PTPN14: variants seen among roughly 807,000 people sequenced by gnomAD.
PTPN14 encodes protein tyrosine phosphatase non-receptor type 14.
In PTPN14, 53 loss-of-function variants were observed where a neutral mutation model predicts 126.8. That is an observed-to-expected ratio of 0.42 (90% CI 0.34 to 0.53). PTPN14 has a LOEUF of 0.53. Among genes scored for constraint, PTPN14 ranks in the 20% least tolerant of loss-of-function variants. The pLI is 0.08. For missense variants in PTPN14, 1,257 were observed against 1,552.9 expected, an observed-to-expected ratio of 0.81 and a Z score of 3.20; for synonymous variants, 630 against 599.3, an observed-to-expected ratio of 1.05 and a Z score of -0.75.
chr1:214,434,027 G>A (rs1268999283), intron 3 of PTPN14, among the ~76,000 whole-genome samples: 1 of 151,670 alleles, frequency 6.6e-6, no homozygotes, highest in Non-Finnish European at 1.5e-5. Flanking sequence ...AGTTACTTGG[G>A]AGGCTGAGGT....
intron 5 of PTPN14, among the ~76,000 whole-genome samples, chr1:214,407,394 G>T (rs1270718386): frequency 6.6e-6 from 1 of 152,012 alleles, no homozygotes; most frequent in African/African-American, 2.4e-5. Context: ...TGGGCATGGT[G>T]GTGGGCATCT....
At chr1:214,395,634 C>CACACACAG (rs1658861013) in intron 8 of PTPN14, among the ~76,000 whole-genome samples, 3 of 147,386 alleles carry the variant, frequency 2.0e-5, no homozygotes, top group Non-Finnish European at 4.5e-5. Flanking sequence ...CACACACACA[C>CACACACAG]AGAGTTTCCT....
At chr1:214,425,962 C>T (rs898985887) in intron 3 of PTPN14, among the ~76,000 whole-genome samples, 1 of 135,648 alleles carries the variant, frequency 7.4e-6, no homozygotes, top group Non-Finnish European at 1.5e-5. Flanking sequence ...CAGTCAAGTG[C>T]TCTTTTATTA....
At chr1:214,379,446 G>A (rs1225012004) in intron 13 of PTPN14, among the ~76,000 whole-genome samples, 1 of 152,188 alleles carries the variant, frequency 6.6e-6, no homozygotes, top group African/African-American at 2.4e-5. Flanking sequence ...GAGTGACACT[G>A]ACAACAGGAT....
At position 214,383,443 on chromosome 1, in the gene PTPN14, G is replaced by A. The variant is rs748300927; in HGVS notation, c.2412C>T (p.Leu804=). Residue 804 remains leucine, a synonymous_variant, in exon 13 of 19, where the codon CTC becomes CTT. Transcript: ENST00000366956. This position sits in a 1 kb window ranked among gnomAD's most constrained non-coding sequence, Gnocchi z 4.4. ...TDPPAVNGAS[L]GPSISEPDLT... ...GGTCGGGTTCCGAGATGGATGGGCC[G>A]AGAGAGGCCCCGTTGACAGCCGGCG... The A allele has an allele frequency of 1.5e-5, 24 of 1,614,140 alleles. No individual in the cohort carries two copies. Among genetic ancestry groups the A allele is most frequent in the Middle Eastern group, 1.6e-4 (1 of 6,084 alleles).
intron 18 of PTPN14, among the ~76,000 whole-genome samples, chr1:214,363,817 A>T (rs1443231840): frequency 6.6e-6 from 1 of 152,158 alleles, no homozygotes; most frequent in Non-Finnish European, 1.5e-5. Context: ...TTAGCTTTTG[A>T]CTGCTGTTTG....
Position 214,546,715 on chromosome 1 carries a change from G to A in PTPN14, c.-155+4468C>T, listed in dbSNP as rs566668111. Among the ~76,000 whole-genome samples the A allele has an allele frequency of 3.3e-5, 5 of 152,286 alleles. No individual in the cohort carries two copies. The East Asian group carries it at 7.7e-4, about 24-fold the overall frequency. On this transcript the variant is annotated intron_variant, in intron 1 of 18. Transcript: ENST00000366956. ...AGCATTTACGGGATGGCCAGCTAGG[G>A]TTACGGCTCTCTGGATATGCAGTAG...
At position 214,357,863 on chromosome 1, in the gene PTPN14, G is replaced by A. The variant is rs1172266029; in HGVS notation, c.*59C>T. 3.9e-6 allele frequency: 6 copies of A among 1,531,282 alleles called. No homozygotes were observed. Among genetic ancestry groups the A allele is most frequent in the Non-Finnish European group, 5.4e-6 (6 of 1,111,790 alleles). The allele number at this position is 1,531,282 out of a possible 1,614,324, so 94.9% of individuals were successfully genotyped here. ...TGGGGGGAGCAGATGTTGTCTGGAG[G>A]TGACTCTCCTCCAGCGCGATGGAGC... On this transcript the variant is annotated 3_prime_UTR_variant, in exon 19 of 19. Transcript: ENST00000366956.
chr1:214,408,553 G>GACAATGAA (rs1372246316), intron 5 of PTPN14, among the ~76,000 whole-genome samples: 2,606 of 152,308 alleles, frequency 0.017, 82 homozygotes, highest in African/African-American at 0.059. Flanking sequence ...CAGGCTGTGT[G>GACAATGAA]CCAGATGACA....
chr1:214,492,559 C>A (rs1040978587), intron 1 of PTPN14, among the ~76,000 whole-genome samples: 2 of 152,136 alleles, frequency 1.3e-5, no homozygotes. Flanking sequence ...CAGAGTGTAA[C>A]AATGGTATCA....
At chr1:214,403,481 C>T (rs1328467139) in intron 5 of PTPN14, among the ~76,000 whole-genome samples, 1 of 152,160 alleles carries the variant, frequency 6.6e-6, no homozygotes, top group African/African-American at 2.4e-5. Flanking sequence ...ACGGCTAAAA[C>T]ATCTCCAGAG....
At position 214,354,942 on chromosome 1, in the gene PTPN14, T is replaced by A. The variant is rs1231177221; in HGVS notation, c.*2980A>T. The stretch of plus-strand genomic sequence containing the variant: ...TATTCCTTGGCTTGCTTCCCAGATA[T>A]AAAGCATCTCTGGGCAATTATTATG... On this transcript the variant is annotated 3_prime_UTR_variant, in exon 19 of 19. Coordinates refer to ENST00000366956, the MANE Select transcript of PTPN14 (RefSeq NM_005401.5). 1 of 152,190 alleles carries A rather than the reference T, an allele frequency of 6.6e-6. No homozygotes were observed. Among genetic ancestry groups the A allele is most frequent in the Non-Finnish European group, 1.5e-5 (1 of 68,038 alleles). The allele number at this position is 152,190 out of a possible 1,614,324, so 9.4% of individuals were successfully genotyped here.
At chr1:214,414,788 A>G in intron 3 of PTPN14, 62 bp from the exon 4 acceptor site, 1 of 1,299,884 alleles carries the variant, frequency 7.7e-7, no homozygotes. Context: ...ATATTCCCAC[A>G]ACACAGATGC....
At chr1:214,505,551 C>T (rs1654820064) in intron 1 of PTPN14, among the ~76,000 whole-genome samples, 2 of 152,180 alleles carry the variant, frequency 1.3e-5, no homozygotes, top group Admixed American at 1.3e-4. Flanking sequence ...TCAGAACTTT[C>T]TCAAGAGGCT....
chr1:214,456,146 G>A (rs1572011323), intron 2 of PTPN14, among the ~76,000 whole-genome samples: 2 of 152,112 alleles, frequency 1.3e-5, no homozygotes. Context: ...AGGTTTAGAT[G>A]CAGTCTTGGC....
intron 18 of PTPN14, among the ~76,000 whole-genome samples, chr1:214,361,389 G>C (rs992441832): frequency 6.6e-6 from 1 of 152,138 alleles, no homozygotes; most frequent in Non-Finnish European, 1.5e-5. Context: ...GTAGGACTGA[G>C]CCTAAATGAC....
At chr1:214,434,763 A>G (rs1398415657) in intron 3 of PTPN14, among the ~76,000 whole-genome samples, 3 of 152,116 alleles carry the variant, frequency 2.0e-5, no homozygotes, top group African/African-American at 7.2e-5. Flanking sequence ...CAGAATAGGG[A>G]GTCGGTCTTT....
chr1:214,517,643 G>T (rs1348391983), intron 1 of PTPN14, among the ~76,000 whole-genome samples: 1 of 152,126 alleles, frequency 6.6e-6, no homozygotes, highest in African/African-American at 2.4e-5. Context: ...GGAGGCAGGA[G>T]GAGTAGGGAG....
At chr1:214,468,606 T>C (rs1224000801) in intron 1 of PTPN14, among the ~76,000 whole-genome samples, 1 of 152,040 alleles carries the variant, frequency 6.6e-6, no homozygotes, top group Non-Finnish European at 1.5e-5. Context: ...CATACACACA[T>C]AAGCACATCT....
Sources: gnomAD v4.1 joint callset for allele counts (sites outside exome capture counted in the v4.1 genomes callset) on GRCh38, gnomAD v4.1.1 for gene constraint, Gnocchi (gnomAD v3.1) non-coding constraint, MANE v1.5 for transcripts, NCBI Gene and HGNC (gene_info 2026-07-23, HGNC 2026-07-21) for gene names.